PXDNL: variants seen among roughly 807,000 people sequenced by gnomAD.
PXDNL encodes the protein peroxidasin like.
A neutral mutation model predicts 150.8 loss-of-function variants in PXDNL; 145 were observed. That is an observed-to-expected ratio of 0.96 (90% confidence interval 0.84 to 1.10). The LOEUF (loss-of-function observed/expected upper bound fraction) is 1.10, where lower values mean the gene tolerates loss of function less well. Ranked by LOEUF, PXDNL falls within the 50% of genes least tolerant of loss-of-function variation. PXDNL has a pLI of 0.00. For synonymous variants in PXDNL, 757 were observed against 725.7 expected (o/e 1.04, Z -0.69); for missense variants, 2,087 against 1,873.9 (o/e 1.11, Z -2.10).
intron 21 of PXDNL, among the ~76,000 whole-genome samples, chr8:51,327,408 G>A (rs752967641): frequency 7.9e-5 from 12 of 152,158 alleles, no homozygotes; most frequent in Admixed American, 1.3e-4. Flanking sequence ...GGAGCTGTAC[G>A]GAAACAGTTA....
chr8:51,542,038 T>C (rs1345291429), intron 4 of PXDNL, among the ~76,000 whole-genome samples: 1 of 152,186 alleles, frequency 6.6e-6, no homozygotes, highest in Admixed American at 6.5e-5. Context: ...AAGTTGCTAG[T>C]CATCATGATG....
intron 12 of PXDNL, among the ~76,000 whole-genome samples, chr8:51,435,165 A>C (rs752885145): frequency 2.9e-4 from 44 of 151,702 alleles, no homozygotes; most frequent in Non-Finnish European, 3.7e-4. Context: ...TAAAAACACA[A>C]AAAAAATTAG....
chr8:51,620,575 G>T (rs1009377087), intron 2 of PXDNL, among the ~76,000 whole-genome samples: 3 of 149,156 alleles, frequency 2.0e-5, no homozygotes, highest in African/African-American at 5.0e-5. Flanking sequence ...ACAGAGTCTC[G>T]CTCTGTCACC....
intron 20 of PXDNL, among the ~76,000 whole-genome samples, chr8:51,340,507 GT>G (rs771179898): frequency 2.1e-4 from 32 of 152,300 alleles, no homozygotes; most frequent in Non-Finnish European, 4.1e-4. Context: ...GTTGTTCCTT[GT>G]GAAGAAACCA....
rs190758388 is a variant in PXDNL, at chr8:51,549,413, A to G, written c.380+7427T>C. Among the ~76,000 whole-genome samples the G allele has an allele frequency of 4.0e-3, 607 of 152,282 alleles. 3 individuals are homozygous for G. The highest frequency in any genetic ancestry group is 0.014 in the African/African-American group (579 of 41,576). ...ATCAGAACATGGAACATTCTCCAAG[A>G]TAGAACATTATGACAGGCCACAAAA... On this transcript the variant is annotated intron_variant, in intron 4 of 22. Coordinates refer to ENST00000356297, the MANE Select transcript of PXDNL (RefSeq NM_144651.5).
rs191920418 is a variant in PXDNL, at chr8:51,653,396, C to T, written c.236+1293G>A. Among the ~76,000 whole-genome samples the T allele has an allele frequency of 2.2e-4, 33 of 152,102 alleles. No individual in the cohort carries two copies. In the East Asian group the frequency reaches 4.5e-3, roughly 21 times the overall value. On this transcript the variant is annotated intron_variant, in intron 2 of 22. Coordinates refer to ENST00000356297, the MANE Select transcript of PXDNL (RefSeq NM_144651.5). ...TTGTGCCACTGCATTCCAGCCTGGG[C>T]GACAGAGCAAGGCTCTGTCTCAAAG...
At chr8:51,534,333 A>G (rs971530002) in intron 4 of PXDNL, among the ~76,000 whole-genome samples, 3 of 137,170 alleles carry the variant, frequency 2.2e-5, no homozygotes, top group Non-Finnish European at 3.1e-5. Flanking sequence ...CCCGGCAGCC[A>G]CCCCGTCCGG....
At chr8:51,467,551 T>C (rs893821970) in intron 8 of PXDNL, among the ~76,000 whole-genome samples, 5 of 152,072 alleles carry the variant, frequency 3.3e-5, no homozygotes, top group African/African-American at 9.7e-5. Flanking sequence ...TTCTGTCATA[T>C]TCCAAACCTC....
At chr8:51,383,472 T>C (rs1807608554) in intron 17 of PXDNL, among the ~76,000 whole-genome samples, 1 of 152,186 alleles carries the variant, frequency 6.6e-6, no homozygotes, top group Admixed American at 6.5e-5. Context: ...CTTTCTGTTG[T>C]GTGCAGCAGC....
intron 17 of PXDNL, among the ~76,000 whole-genome samples, chr8:51,405,219 G>T (rs1586077644): frequency 6.6e-6 from 1 of 152,196 alleles, no homozygotes; most frequent in East Asian, 1.9e-4. Context: ...CCCAGAAAGG[G>T]GCTCCCACAG....
At chr8:51,644,755 A>G (rs1436347335) in intron 2 of PXDNL, among the ~76,000 whole-genome samples, 1 of 151,784 alleles carries the variant, frequency 6.6e-6, no homozygotes, top group Non-Finnish European at 1.5e-5. Context: ...CCGCGCCGGG[A>G]TGATATTTAT....
chr8:51,638,507 T>C (rs1289216471), intron 2 of PXDNL, among the ~76,000 whole-genome samples: 3 of 151,988 alleles, frequency 2.0e-5, no homozygotes, highest in African/African-American at 7.3e-5. Context: ...TGGAGGAAGA[T>C]CTACCAAGCA....
intron 3 of PXDNL, among the ~76,000 whole-genome samples, chr8:51,587,425 T>C (rs1335201754): frequency 6.6e-6 from 1 of 152,158 alleles, no homozygotes; most frequent in African/African-American, 2.4e-5. Flanking sequence ...TCTTAAGACA[T>C]TTCAATTTAT....
chr8:51,520,933 A>G (rs879335557), intron 4 of PXDNL, among the ~76,000 whole-genome samples: 12 of 152,224 alleles, frequency 7.9e-5, no homozygotes, highest in Non-Finnish European at 1.5e-4. Flanking sequence ...TAAAAAAACT[A>G]TAACTAGGCC....
chr8:51,665,057 A>G (rs115584920), intron 1 of PXDNL, among the ~76,000 whole-genome samples: 1 of 152,322 alleles, frequency 6.6e-6, no homozygotes, highest in African/African-American at 2.4e-5. Context: ...CAGCTGCACC[A>G]TCTGCTCGGG....
In PXDNL at chr8:51,437,751, T is replaced by C. The variant is rs1238489466; in HGVS notation, c.1525+9253A>G. 3.3e-5 allele frequency among the ~76,000 whole-genome samples: 5 copies of C among 152,150 alleles called. No homozygotes were observed. The East Asian group carries it at 7.7e-4, about 23-fold the overall frequency. ...AACATAATACTGAATGGAGAAAAGT[T>C]GACGGCACTATCCCTCAGAACTACT... On this transcript the variant is annotated intron_variant, in intron 12 of 22. Coordinates refer to ENST00000356297, the MANE Select transcript of PXDNL (RefSeq NM_144651.5).
chr8:51,659,231 A>T (rs138697524), intron 1 of PXDNL, among the ~76,000 whole-genome samples: 153 of 152,270 alleles, frequency 1.0e-3, no homozygotes, highest in African/African-American at 3.6e-3. Context: ...TTTTCATCCC[A>T]TTCATTGTTC....
intron 1 of PXDNL, among the ~76,000 whole-genome samples, chr8:51,767,657 A>G (rs1348140615): frequency 6.6e-6 from 1 of 152,042 alleles, no homozygotes; most frequent in Non-Finnish European, 1.5e-5. Context: ...TACTCTTTTC[A>G]AATCTTTACT....
At chr8:51,323,901 A>C (rs1259816792) in intron 21 of PXDNL, among the ~76,000 whole-genome samples, 5 of 150,608 alleles carry the variant, frequency 3.3e-5, no homozygotes, top group African/African-American at 1.2e-4. Flanking sequence ...GGGTGACAAG[A>C]GCAAAACTTC....
Sources: allele counts gnomAD v4.1 joint callset (sites outside exome capture counted in the v4.1 genomes callset), GRCh38; gene constraint gnomAD v4.1.1; transcripts MANE v1.5; gene names NCBI Gene and HGNC (gene_info 2026-07-23, HGNC 2026-07-21).